The following MACROD2 variants were observed in gnomAD, a reference collection of about 807,000 sequenced individuals.
MACROD2 encodes the protein ADP-ribose glycohydrolase MACROD2.
MACROD2 carries 36 observed loss-of-function variants against 70.4 expected under a neutral mutation model. The ratio of observed to expected loss-of-function variants is 0.51; its 90% confidence interval spans 0.39 to 0.68. The LOEUF (loss-of-function observed/expected upper bound fraction) is 0.68. Among genes scored for constraint, MACROD2 ranks in the 30% least tolerant of loss-of-function variants. The pLI, the probability that MACROD2 is intolerant of heterozygous loss-of-function variation, is 0.00. For synonymous variants in MACROD2, 172 were observed against 178.8 expected, an observed-to-expected ratio of 0.96 and a Z score of 0.30; for missense variants, 496 against 538.4, an observed-to-expected ratio of 0.92 and a Z score of 0.78.
chr20:15,138,320 A>G (rs1319693186), intron 5 of MACROD2, among the ~76,000 whole-genome samples: 1 of 152,112 alleles, frequency 6.6e-6, no homozygotes, highest in Non-Finnish European at 1.5e-5. Context: ...ACAAGGGTCC[A>G]TTTTCTAAAT....
At chr20:15,538,609 G>A (rs1483362166) in intron 8 of MACROD2, among the ~76,000 whole-genome samples, 1 of 152,190 alleles carries the variant, frequency 6.6e-6, no homozygotes, top group Non-Finnish European at 1.5e-5. Context: ...GAATTCAAAT[G>A]TTAGATACAG....
At chr20:14,027,834 A>G (rs2053193118) in intron 2 of MACROD2, among the ~76,000 whole-genome samples, 1 of 152,118 alleles carries the variant, frequency 6.6e-6, no homozygotes, top group Non-Finnish European at 1.5e-5. Flanking sequence ...GCTCTCCTGT[A>G]TGAGGTGTCT....
intron 8 of MACROD2, among the ~76,000 whole-genome samples, chr20:15,669,164 G>A (rs987713760): frequency 6.6e-6 from 1 of 152,210 alleles, no homozygotes; most frequent in South Asian, 2.1e-4. Flanking sequence ...ACAGATCTTT[G>A]AATAAAAGGA....
chr20:15,409,057 A>G (rs402752), intron 6 of MACROD2, among the ~76,000 whole-genome samples: 73,068 of 151,970 alleles, frequency 0.48, 17,740 homozygotes, highest in African/African-American at 0.52. Flanking sequence ...CTATAAGAAA[A>G]TTAAATTACT....
intron 3 of MACROD2, among the ~76,000 whole-genome samples, chr20:14,310,458 A>G (rs1328211123): frequency 6.6e-6 from 1 of 152,164 alleles, no homozygotes; most frequent in Non-Finnish European, 1.5e-5. Context: ...TCATAAGGTC[A>G]TAGTGCAACG....
At chr20:15,931,636 C>CTGTGTCTA (rs149395714) in intron 10 of MACROD2, among the ~76,000 whole-genome samples, 2,147 of 151,570 alleles carry the variant, frequency 0.014, 34 homozygotes, top group Admixed American at 0.042. Flanking sequence ...CAGCAAGGCT[C>CTGTGTCTA]TGTGTCTATT....
chr20:15,038,987 A>G (rs531990122), intron 5 of MACROD2, among the ~76,000 whole-genome samples: 1 of 152,344 alleles, frequency 6.6e-6, no homozygotes, highest in South Asian at 2.1e-4. Flanking sequence ...GTCAGGGCAA[A>G]GAAGTGATAC....
chr20:14,475,610 C>T (rs2084584299), intron 3 of MACROD2, among the ~76,000 whole-genome samples: 1 of 151,596 alleles, frequency 6.6e-6, no homozygotes, highest in Non-Finnish European at 1.5e-5. Context: ...ATTAATTGTT[C>T]ATCTTGGAAG....
At chr20:14,334,518 G>T (rs1020353030) in intron 3 of MACROD2, among the ~76,000 whole-genome samples, 3 of 152,090 alleles carry the variant, frequency 2.0e-5, no homozygotes, top group Non-Finnish European at 2.9e-5. Context: ...TTTGCCCACT[G>T]GGGGGTGGTA....
In MACROD2 at chr20:15,987,153, A is replaced by C; in HGVS notation, c.1148A>C (p.Glu383Ala). The C allele has an allele frequency of 6.2e-7, 1 of 1,607,904 alleles. No individual in the cohort carries two copies. The highest frequency in any genetic ancestry group is 2.2e-5 in the East Asian group (1 of 44,736). ...LTEDQEEKEGEKAPGEDTPRM... is the reference protein window; with the variant it reads ...LTEDQEEKEGAKAPGEDTPRM... ...GAGGACCAAGAAGAAAAAGAAGGTGAAAAAGGTAGGACTGCTCTTAAATTA... is the reference window on the plus strand; with the variant it reads ...GAGGACCAAGAAGAAAAAGAAGGTGCAAAAGGTAGGACTGCTCTTAAATTA... The change falls in exon 15 of 18, where the codon GAA becomes GCA. Residue 383 changes from glutamate to alanine, a missense_variant. Glu to Ala is a moderately radical substitution (Grantham distance 107, BLOSUM62 -1). Transcript: ENST00000684519.
At chr20:14,048,310 A>G (rs562050101) in intron 2 of MACROD2, among the ~76,000 whole-genome samples, 2 of 152,328 alleles carry the variant, frequency 1.3e-5, no homozygotes, top group South Asian at 4.1e-4. Flanking sequence ...GGGGCAAGGA[A>G]GCAATCATGA....
intron 4 of MACROD2, among the ~76,000 whole-genome samples, chr20:14,522,971 A>G (rs1362738467): frequency 1.3e-5 from 2 of 152,226 alleles, no homozygotes; most frequent in East Asian, 1.9e-4. Flanking sequence ...TACCGGTCTC[A>G]CAGTCACGCC....
chr20:14,571,335 T>A (rs1053106103), intron 4 of MACROD2, among the ~76,000 whole-genome samples: 3 of 152,082 alleles, frequency 2.0e-5, no homozygotes, highest in African/African-American at 7.2e-5. Flanking sequence ...TCACAGCACC[T>A]GTAATTGTAC....
At chr20:15,236,918 T>A (rs1343133837) in intron 6 of MACROD2, among the ~76,000 whole-genome samples, 3 of 152,178 alleles carry the variant, frequency 2.0e-5, no homozygotes, top group Non-Finnish European at 4.4e-5. Flanking sequence ...TCCATTATTA[T>A]GTGCCTTTTT....
At position 15,108,393 on chromosome 20, in the gene MACROD2, CT is replaced by C. The variant is rs536485351; in HGVS notation, c.419-121542del. Reference sequence around the variant, plus strand: ...TTGGAAAGCATGATGATGGATGACACTTTTTATGCTTCTATTTTAGCCAAAA... The same window carrying C: ...TTGGAAAGCATGATGATGGATGACACTTTTATGCTTCTATTTTAGCCAAAA... On this transcript the variant is annotated intron_variant, in intron 5 of 17. Coordinates refer to ENST00000684519, the MANE Select transcript of MACROD2 (RefSeq NM_001351661.2). Among the ~76,000 whole-genome samples, 675 of 152,282 alleles carry C rather than the reference CT, an allele frequency of 4.4e-3. 3 individuals carry two copies. Among genetic ancestry groups the C allele is most frequent in the Non-Finnish European group, 7.4e-3 (505 of 68,012 alleles).
chr20:14,789,460 ATTTTTTTTTTTTTT>A (rs3045609), intron 5 of MACROD2, among the ~76,000 whole-genome samples: 5 of 48,364 alleles, frequency 1.0e-4, no homozygotes, highest in East Asian at 6.8e-4. Flanking sequence ...GGTAGTGCAA[ATTTTTTTTTTTTTT>A]TTTTTTTTTT....
intron 3 of MACROD2, among the ~76,000 whole-genome samples, chr20:14,218,044 A>G (rs1199066230): frequency 6.6e-6 from 1 of 152,094 alleles, no homozygotes; most frequent in African/African-American, 2.4e-5. Flanking sequence ...TTGTTCCAAG[A>G]TATAGTTTAA....
chr20:14,933,331 C>A (rs1443561754), intron 5 of MACROD2, among the ~76,000 whole-genome samples: 1 of 152,122 alleles, frequency 6.6e-6, no homozygotes, highest in African/African-American at 2.4e-5. Flanking sequence ...AAATTATGTT[C>A]TCTGAATCTT....
At chr20:15,459,629 G>A (rs192072290) in intron 7 of MACROD2, among the ~76,000 whole-genome samples, 7 of 152,246 alleles carry the variant, frequency 4.6e-5, no homozygotes, top group East Asian at 1.9e-4. Flanking sequence ...GAAGCTGGGC[G>A]AGGGGAATGG....
Sources: allele counts gnomAD v4.1 joint callset (sites outside exome capture counted in the v4.1 genomes callset), GRCh38; gene constraint gnomAD v4.1.1; transcripts MANE v1.5; gene names NCBI Gene and HGNC (gene_info 2026-07-23, HGNC 2026-07-21).